Variants in AFF4 observed in about 807,000 individuals in gnomAD.
The protein encoded by AFF4 is ALF transcription elongation factor 4.
A neutral mutation model predicts 124.8 loss-of-function variants in AFF4; 13 were observed. That is an observed-to-expected ratio of 0.10 (90% CI 0.07 to 0.17). The LOEUF (loss-of-function observed/expected upper bound fraction) is 0.17. Ranked by LOEUF, AFF4 falls within the 10% of genes least tolerant of loss-of-function variation. The pLI is 1.00. For missense variants in AFF4, 1,092 were observed against 1,403.8 expected, an observed-to-expected ratio of 0.78 and a Z score of 3.55; for synonymous variants, 477 against 496.1, an observed-to-expected ratio of 0.96 and a Z score of 0.51.
chr5:132,945,503 G>C (rs1324326943), intron 1 of AFF4: 1 of 152,262 alleles, frequency 6.6e-6, no homozygotes, highest in African/African-American at 2.4e-5. Flanking sequence ...TGTAAACCCA[G>C]CACTTTGGGA....
At chr5:132,952,149 G>T (rs1269634318) in intron 1 of AFF4, among the ~76,000 whole-genome samples, 1 of 152,176 alleles carries the variant, frequency 6.6e-6, no homozygotes, top group African/African-American at 2.4e-5. Flanking sequence ...TAGACAGCTA[G>T]AAGTGGAACT....
chr5:132,925,012 T>C (rs1761136520), intron 5 of AFF4, among the ~76,000 whole-genome samples: 1 of 150,952 alleles, frequency 6.6e-6, no homozygotes, highest in South Asian at 2.1e-4. Context: ...CTGTCTCTAC[T>C]AAAAATACAA....
At chr5:132,954,843 G>A (rs1318992329) in intron 1 of AFF4, among the ~76,000 whole-genome samples, 8 of 152,166 alleles carry the variant, frequency 5.3e-5, no homozygotes, top group African/African-American at 1.4e-4. Flanking sequence ...CACCGCGCCC[G>A]GCCTAGACAA....
intron 5 of AFF4, among the ~76,000 whole-genome samples, chr5:132,905,268 A>C (rs1345371020): frequency 6.6e-6 from 1 of 152,198 alleles, no homozygotes; most frequent in African/African-American, 2.4e-5. Flanking sequence ...TGTCACCCTT[A>C]GTGAAACATG....
At position 132,888,167 on chromosome 5, in the gene AFF4, G is replaced by C. The variant is rs373289956; in HGVS notation, c.2733-7C>G. Reference sequence around the variant, plus strand: ...ATGGTCTGCTGAATAATTTCTGCAAGACAAATTTTCATTATAAATAGAATA... The same window carrying C: ...ATGGTCTGCTGAATAATTTCTGCAACACAAATTTTCATTATAAATAGAATA... On this transcript the variant is annotated splice_region_variant and splice_polypyrimidine_tract_variant and intron_variant, in intron 14 of 20. Coordinates refer to ENST00000265343, the MANE Select transcript of AFF4 (RefSeq NM_014423.4). The C allele has an allele frequency of 3.1e-5, 50 of 1,600,554 alleles. No individual in the cohort carries two copies. In the African/African-American group the frequency reaches 5.4e-4, roughly 17 times the overall value.
At chr5:132,921,390 G>C (rs1193265929) in intron 5 of AFF4, among the ~76,000 whole-genome samples, 1 of 151,762 alleles carries the variant, frequency 6.6e-6, no homozygotes, top group Non-Finnish European at 1.5e-5. Context: ...GGAACAAGTG[G>C]AACTCTCATA....
chr5:132,888,540 T>C (rs903225564), intron 14 of AFF4, among the ~76,000 whole-genome samples: 1 of 152,180 alleles, frequency 6.6e-6, no homozygotes, highest in Non-Finnish European at 1.5e-5. Context: ...ATATCAGCAG[T>C]AGTAAGATTC....
Position 132,934,263 on chromosome 5 carries a change from G to T in AFF4, c.802C>A (p.Pro268Thr), listed in dbSNP as rs1458337537. The change falls in exon 3 of 21, where the codon CCA (proline) becomes ACA (threonine). Residue 268 changes from proline (P) to threonine (T), a missense_variant. Around this residue, in one of 11 missense-constraint regions of AFF4, gnomAD observed 148 missense variants for 196.3 expected, o/e 0.75. Transcript: ENST00000265343. ...RPMDGQESME[P>T]KLSSEHYSSQ... ...CTGTAGTGCTCAGAGGACAGCTTTG[G>T]TTCCATGGACTCCTGTCCGTCCATG... 1.2e-6 allele frequency: 2 copies of T among 1,614,178 alleles called. No individual in the cohort carries two copies. The highest frequency in any genetic ancestry group is 8.5e-7 in the Non-Finnish European group (1 of 1,180,034).
intron 5 of AFF4, among the ~76,000 whole-genome samples, chr5:132,917,814 G>A (rs1424953318): frequency 2.1e-5 from 3 of 144,200 alleles, no homozygotes; most frequent in African/African-American, 7.7e-5. Context: ...CCAGGTTCAA[G>A]GAATCCTCTT....
At chr5:132,928,530 A>T (rs1761231012) in intron 4 of AFF4, among the ~76,000 whole-genome samples, 1 of 152,204 alleles carries the variant, frequency 6.6e-6, no homozygotes, top group African/African-American at 2.4e-5. Context: ...ACCTCTTTGA[A>T]TATGACCATA....
In AFF4 at chr5:132,896,895, G is replaced by A. The variant is rs750769831; in HGVS notation, c.1735C>T (p.Arg579Cys). Residue 579 changes from arginine (R) to cysteine (C), a missense_variant, in exon 11 of 21, where the codon CGT becomes TGT. Arg to Cys is a radical substitution (Grantham distance 180). Transcript: ENST00000265343. ...KAEKAAAEEP[R>C]GGLKIESETP... Reference sequence around the variant, plus strand: ...TCACTTTCTATCTTCAGGCCTCCACGAGGCTCTTCAGCAGCTGCCTTCTCA... The same window carrying A: ...TCACTTTCTATCTTCAGGCCTCCACAAGGCTCTTCAGCAGCTGCCTTCTCA... 14 of 1,614,004 alleles carry A rather than the reference G, an allele frequency of 8.7e-6. No homozygotes were observed. Among genetic ancestry groups the A allele is most frequent in the Middle Eastern group, 1.6e-4 (1 of 6,084 alleles).
chr5:132,881,827 GTTTT>G (rs749611038), intron 20 of AFF4, among the ~76,000 whole-genome samples: 1 of 130,184 alleles, frequency 7.7e-6, no homozygotes. Context: ...ATACAAAAAA[GTTTT>G]TTTTTTTTTT....
chr5:132,898,546 C>T lies in AFF4; in HGVS notation c.1227-154G>A, dbSNP rs142891204. Among the ~76,000 whole-genome samples, 118 of 151,882 alleles carry T rather than the reference C, an allele frequency of 7.8e-4. 1 individual carries two copies. The highest frequency in any genetic ancestry group is 6.8e-3 in the Middle Eastern group (2 of 294). On this transcript the variant is annotated intron_variant, in intron 9 of 20. Transcript: ENST00000265343. Reference sequence around the variant, plus strand: ...TGGCCCAGGCTGGAATGCAGTGGCACGATCTCAGCTCACTGCAACCTCCGC... The same window carrying T: ...TGGCCCAGGCTGGAATGCAGTGGCATGATCTCAGCTCACTGCAACCTCCGC...
chr5:132,878,638 T>C lies in AFF4; in HGVS notation c.*2421A>G, dbSNP rs42395. On this transcript the variant is annotated 3_prime_UTR_variant, in exon 21 of 21. Transcript: ENST00000265343. ...TCATTTATGATAGGATTTTGATCCA[T>C]TGCCCATTACTACCTTGTGGGAAAA... 0.45 allele frequency: 103,618 copies of C among 227,748 alleles called. 25,084 individuals are homozygous for C. The highest frequency in any genetic ancestry group is 0.59 in the South Asian group (3,220 of 5,478). 14.1% of individuals were successfully genotyped at this position (227,748 alleles called of 1,614,324 possible).
At chr5:132,922,801 A>T (rs1180708218) in intron 5 of AFF4, among the ~76,000 whole-genome samples, 3 of 151,714 alleles carry the variant, frequency 2.0e-5, no homozygotes. Context: ...AAAAAACCAA[A>T]AACTAGAAGC....
Position 132,902,765 on chromosome 5 carries a change from AC to A in AFF4, c.1088-279del, listed in dbSNP as rs756886877. Among the ~76,000 whole-genome samples, 3 of 152,328 alleles carry A rather than the reference AC, an allele frequency of 2.0e-5. No individual in the cohort carries two copies. In the East Asian group the frequency reaches 5.8e-4, roughly 29 times the overall value. ...AGTACTGTAATTATATTGCTAAGTG[AC>A]TTAATAATTCCAATGAAAGGAATTT... On this transcript the variant is annotated intron_variant, in intron 6 of 20. Coordinates refer to ENST00000265343, the MANE Select transcript of AFF4 (RefSeq NM_014423.4).
rs138999423 is a variant in AFF4, at chr5:132,892,418, C to T, written c.2397-14G>A. On this transcript the variant is annotated splice_polypyrimidine_tract_variant and intron_variant, in intron 12 of 20. Transcript: ENST00000265343. ...TGCTTAGATGACCTGCCAAACCAAA[C>T]GAATGCCTTCATTTCTCCACACAGT... 7.8e-3 allele frequency: 12,447 copies of T among 1,602,950 alleles called. 72 individuals are homozygous for T. The highest frequency in any genetic ancestry group is 9.6e-3 in the Non-Finnish European group (11,243 of 1,172,808).
At chr5:132,914,004 G>T (rs1443420797) in intron 5 of AFF4, among the ~76,000 whole-genome samples, 4 of 152,108 alleles carry the variant, frequency 2.6e-5, no homozygotes, top group African/African-American at 9.7e-5. Context: ...GAGGTGGGTG[G>T]ATCGCTTGAG....
chr5:132,892,522 G>A (rs913924954), intron 12 of AFF4, 118 bp from the exon 13 acceptor site: 85 of 1,373,362 alleles, frequency 6.2e-5, no homozygotes, highest in Non-Finnish European at 8.2e-5. Flanking sequence ...TGATTACTAG[G>A]ACACATGATT....
Sources: allele counts gnomAD v4.1 joint callset (sites outside exome capture counted in the v4.1 genomes callset), GRCh38; gene constraint gnomAD v4.1.1; regional missense constraint gnomAD v4.1.1; transcripts MANE v1.5; gene names NCBI Gene and HGNC (gene_info 2026-07-23, HGNC 2026-07-21).